The following KDELR2 variants were observed in gnomAD, a reference collection of about 807,000 sequenced individuals.
KDELR2 encodes the protein ER lumen protein-retaining receptor 2.
KDELR2 carries 15 observed loss-of-function variants against 23.9 expected under a neutral mutation model. The observed-to-expected ratio is 0.63, with a 90% CI of 0.42 to 0.97. The LOEUF (loss-of-function observed/expected upper bound fraction) is 0.97, where lower values mean the gene tolerates loss of function less well. Among genes scored for constraint, KDELR2 ranks in the 50% least tolerant of loss-of-function variants. KDELR2 has a pLI of 0.00. For synonymous variants in KDELR2, 119 were observed against 106.2 expected (o/e 1.12, Z -0.74); for missense variants, 272 against 254.6 (o/e 1.07, Z -0.46).
chr7:6,466,162 G>A lies in KDELR2; in HGVS notation c.513C>T (p.Tyr171=), dbSNP rs1785498466. The A allele has an allele frequency of 6.2e-7, 1 of 1,614,234 alleles. No homozygotes were observed. Among genetic ancestry groups the A allele is most frequent in the Non-Finnish European group, 8.5e-7 (1 of 1,180,034 alleles). Residue 171 remains tyrosine (Y), a synonymous_variant, in exon 4 of 5, where the codon TAC becomes TAT. Coordinates refer to ENST00000258739, the MANE Select transcript of KDELR2 (RefSeq NM_006854.4). ...CAATGAGGTCAAAGAAGCCCTCAAA[G>A]TAGAAGCGCCAGATCCAGTTGACAA... ...LYLVNWIWRF[Y]FEGFFDLIAV...
At chr7:6,472,063 G>C (rs139540813) in intron 2 of KDELR2, among the ~76,000 whole-genome samples, 2,446 of 152,238 alleles carry the variant, frequency 0.016, 66 homozygotes, top group African/African-American at 0.056. Flanking sequence ...GCCACACCCA[G>C]CTAATTTTTA....
rs1785983487 is a variant in KDELR2 at position 6,484,133 on chromosome 7, G to C, written c.-76C>G. On this transcript the variant is annotated 5_prime_UTR_variant, in exon 1 of 5. Coordinates refer to ENST00000258739, the MANE Select transcript of KDELR2 (RefSeq NM_006854.4). ...CGGCTCAGGAGGCGGCGGCCCCTGAGAGGAAGCGGCGAAGATGGCGAGATC... is the reference window on the plus strand; with the variant it reads ...CGGCTCAGGAGGCGGCGGCCCCTGACAGGAAGCGGCGAAGATGGCGAGATC... The C allele has an allele frequency of 1.7e-6, 2 of 1,158,596 alleles. No homozygotes were observed. The highest frequency in any genetic ancestry group is 3.3e-5 in the South Asian group (1 of 30,244). 71.8% of individuals were successfully genotyped at this position (1,158,596 alleles called of 1,614,324 possible). A position where few individuals can be genotyped will look rare whatever the true frequency, so the allele number is the denominator to read the frequency against.
rs930087091 is a variant in KDELR2, at chr7:6,463,306, G to T, written c.605-131C>A. On this transcript the variant is annotated intron_variant, in intron 4 of 4. Coordinates refer to ENST00000258739, the MANE Select transcript of KDELR2 (RefSeq NM_006854.4). ...AGTAAGGTATAGGAAATAAGCAATTGTATTTTAAAAATACAAATTTGATTG... is the reference window on the plus strand; with the variant it reads ...AGTAAGGTATAGGAAATAAGCAATTTTATTTTAAAAATACAAATTTGATTG... 14 of 686,600 alleles carry T rather than the reference G, an allele frequency of 2.0e-5. No homozygotes were observed. The East Asian group carries it at 3.5e-4, about 17-fold the overall frequency. The allele number at this position is 686,600 out of a possible 1,614,324, so 42.5% of individuals were successfully genotyped here. A position where few individuals can be genotyped will look rare whatever the true frequency, so the allele number is the denominator to read the frequency against.
chr7:6,478,624 C>G (rs928404871), intron 1 of KDELR2, among the ~76,000 whole-genome samples: 1 of 152,008 alleles, frequency 6.6e-6, no homozygotes, highest in Non-Finnish European at 1.5e-5. Flanking sequence ...TTATTTCACT[C>G]AGTTTATTGT....
At chr7:6,474,070 T>C (rs764421843) in intron 2 of KDELR2, 114 bp downstream of exon 2, 7 of 677,606 alleles carry the variant, frequency 1.0e-5, no homozygotes, top group African/African-American at 1.8e-5. Context: ...GAACAGCATA[T>C]TAAGACATTA....
rs1036569796 is a variant in KDELR2, at chr7:6,479,518, C to T, written c.91+4449G>A. Among the ~76,000 whole-genome samples, 3 of 152,088 alleles carry T rather than the reference C, an allele frequency of 2.0e-5. No individual in the cohort carries two copies. The South Asian group carries it at 6.2e-4, about 32-fold the overall frequency. ...TTTGAGACGGAGTCTCCCTCTGTCA[C>T]CCAGGTTGGAGTGCAGTGCACAGTC... On this transcript the variant is annotated intron_variant, in intron 1 of 4. Coordinates refer to ENST00000258739, the MANE Select transcript of KDELR2 (RefSeq NM_006854.4).
chr7:6,478,894 T>G (rs962318514), intron 1 of KDELR2, among the ~76,000 whole-genome samples: 1 of 152,016 alleles, frequency 6.6e-6, no homozygotes, highest in Non-Finnish European at 1.5e-5. Flanking sequence ...GTTCAAGCAA[T>G]TCTCCTGCCT....
At chr7:6,481,363 C>CT in intron 1 of KDELR2, among the ~76,000 whole-genome samples, 1 of 56,528 alleles carries the variant, frequency 1.8e-5, no homozygotes, top group Non-Finnish European at 4.3e-5. Context: ...AAAAGTTCAT[C>CT]TCAAAAAAAA....
intron 4 of KDELR2, among the ~76,000 whole-genome samples, chr7:6,464,083 G>A (rs1176160583): frequency 6.6e-6 from 1 of 150,582 alleles, no homozygotes; most frequent in Non-Finnish European, 1.5e-5. Flanking sequence ...TGTAATCCCA[G>A]CTACTCAGGA....
chr7:6,482,630 C>A (rs767817674), intron 1 of KDELR2: 1 of 461,204 alleles, frequency 2.2e-6, no homozygotes, highest in Non-Finnish European at 4.5e-6. Context: ...TGACTTTAGA[C>A]GCCAAAATTT....
rs145727910 is a variant in KDELR2, at chr7:6,474,373, G to C, written c.92-89C>G. On this transcript the variant is annotated intron_variant, in intron 1 of 4. Transcript: ENST00000258739. ...CTGTGCAGGGAGTGCAGACAGGGAA[G>C]GAGGGGTGCGTGGGGTCAAGGCCCA... The C allele has an allele frequency of 1.4e-5, 12 of 879,828 alleles. No homozygotes were observed. The South Asian group carries it at 1.5e-4, about 11-fold the overall frequency. The allele number at this position is 879,828 out of a possible 1,614,324, so 54.5% of individuals were successfully genotyped here.
chr7:6,477,595 A>G (rs183107263), intron 1 of KDELR2, among the ~76,000 whole-genome samples: 4 of 152,364 alleles, frequency 2.6e-5, no homozygotes, highest in Admixed American at 2.0e-4. Flanking sequence ...AACTTGTTAA[A>G]TGGAAATCAG....
intron 1 of KDELR2, among the ~76,000 whole-genome samples, chr7:6,481,852 A>G (rs1208687911): frequency 6.6e-6 from 1 of 152,142 alleles, no homozygotes; most frequent in Admixed American, 6.6e-5. Flanking sequence ...CATCTATCCA[A>G]TCCTTTGAGT....
chr7:6,462,461 G>T lies in KDELR2; in HGVS notation c.*680C>A, dbSNP rs1427405078. 2 of 156,250 alleles carry T rather than the reference G, an allele frequency of 1.3e-5. No homozygotes were observed. Among genetic ancestry groups the T allele is most frequent in the Non-Finnish European group, 2.8e-5 (2 of 70,896 alleles). The allele number at this position is 156,250 out of a possible 1,614,324, so 9.7% of individuals were successfully genotyped here. ...CTCCAACTGACACTTCCCAGCAGGG[G>T]AGGAGGGCAGGCACCTTTGGTGACT... On this transcript the variant is annotated 3_prime_UTR_variant, in exon 5 of 5. Coordinates refer to ENST00000258739, the MANE Select transcript of KDELR2 (RefSeq NM_006854.4).
rs1785389341 is a variant in KDELR2, at chr7:6,461,541, G to T, written c.*1600C>A. 6.6e-6 allele frequency: 1 copy of T among 151,886 alleles called. No individual in the cohort carries two copies. Among genetic ancestry groups the T allele is most frequent in the African/African-American group, 2.4e-5 (1 of 41,338 alleles). The allele number at this position is 151,886 out of a possible 1,614,324, so 9.4% of individuals were successfully genotyped here. On this transcript the variant is annotated 3_prime_UTR_variant, in exon 5 of 5. Coordinates refer to ENST00000258739, the MANE Select transcript of KDELR2 (RefSeq NM_006854.4). ...TGAAGCAAGACTAGGATGCTGCAAA[G>T]AAAGATGCTCTGATACACAAAAGCC...
chr7:6,462,998 C>T lies in KDELR2; in HGVS notation c.*143G>A, dbSNP rs201114583. On this transcript the variant is annotated 3_prime_UTR_variant, in exon 5 of 5. Coordinates refer to ENST00000258739, the MANE Select transcript of KDELR2 (RefSeq NM_006854.4). Reference sequence around the variant, plus strand: ...GAAACCTTCTGGCTCTTTTCCTCTGCGTTTTTACAGAGCCACTGATGACTA... The same window carrying T: ...GAAACCTTCTGGCTCTTTTCCTCTGTGTTTTTACAGAGCCACTGATGACTA... 5.1e-5 allele frequency: 82 copies of T among 1,613,946 alleles called. No individual in the cohort carries two copies. Among genetic ancestry groups the T allele is most frequent in the Middle Eastern group, 1.6e-4 (1 of 6,084 alleles).
chr7:6,479,079 G>A (rs555006754), intron 1 of KDELR2, among the ~76,000 whole-genome samples: 7 of 151,380 alleles, frequency 4.6e-5, no homozygotes, highest in Non-Finnish European at 1.0e-4. Flanking sequence ...GTAAGCCACC[G>A]TGCTCGGCCA....
intron 3 of KDELR2, among the ~76,000 whole-genome samples, chr7:6,467,961 T>C (rs1785537806): frequency 6.6e-6 from 1 of 152,156 alleles, no homozygotes; most frequent in South Asian, 2.1e-4. Flanking sequence ...TGCAGAGTGC[T>C]GCTAAGCAGG....
rs1014307451 is a variant in KDELR2 at position 6,461,231 on chromosome 7, G to T, written c.*1910C>A. 6.6e-6 allele frequency: 1 copy of T among 152,156 alleles called. No homozygotes were observed. The highest frequency in any genetic ancestry group is 1.5e-5 in the Non-Finnish European group (1 of 68,034). 9.4% of individuals were successfully genotyped at this position (152,156 alleles called of 1,614,324 possible). On this transcript the variant is annotated 3_prime_UTR_variant, in exon 5 of 5. Transcript: ENST00000258739. Reference sequence around the variant, plus strand: ...ACTCCCTCGCAGGCACCCTTGCTAAGATGTCCTCCTGGGTGACCAAAACGG... The same window carrying T: ...ACTCCCTCGCAGGCACCCTTGCTAATATGTCCTCCTGGGTGACCAAAACGG...
Sources: allele counts gnomAD v4.1 joint callset (sites outside exome capture counted in the v4.1 genomes callset), GRCh38; gene constraint gnomAD v4.1.1; transcripts MANE v1.5; gene names NCBI Gene and HGNC (gene_info 2026-07-23, HGNC 2026-07-21).